The following GRID2 variants were observed in gnomAD, a reference collection of about 807,000 sequenced individuals.
GRID2 encodes glutamate receptor ionotropic, delta-2.
A neutral mutation model predicts 114.8 loss-of-function variants in GRID2; 33 were observed. The ratio of observed to expected loss-of-function variants is 0.29; its 90% CI spans 0.22 to 0.38. GRID2 has a LOEUF of 0.38. GRID2 is among the 10% of genes least tolerant of loss of function. GRID2 has a pLI of 1.00. For missense variants in GRID2, 1,184 were observed against 1,257.7 expected (o/e 0.94, Z 0.89); for synonymous variants, 505 against 449.9 (o/e 1.12, Z -1.55).
At chr4:93,324,957 A>G (rs1757665997) in intron 8 of GRID2, among the ~76,000 whole-genome samples, 2 of 151,966 alleles carry the variant, frequency 1.3e-5, no homozygotes, top group Non-Finnish European at 2.9e-5. Flanking sequence ...CTAGCGGTCT[A>G]TCAATTTTGT....
At chr4:92,761,734 C>G (rs1738021321) in intron 2 of GRID2, among the ~76,000 whole-genome samples, 1 of 152,066 alleles carries the variant, frequency 6.6e-6, no homozygotes, top group Non-Finnish European at 1.5e-5. Context: ...ATCCACCTGT[C>G]CCTCCCTTTC....
intron 2 of GRID2, among the ~76,000 whole-genome samples, chr4:93,056,310 G>A (rs1727239073): frequency 6.6e-6 from 1 of 151,908 alleles, no homozygotes; most frequent in African/African-American, 2.4e-5. Context: ...TTATTTATGA[G>A]CTTAAGAGGT....
At chr4:92,523,207 A>G (rs998010197) in intron 1 of GRID2, among the ~76,000 whole-genome samples, 6 of 152,052 alleles carry the variant, frequency 3.9e-5, no homozygotes, top group African/African-American at 1.4e-4. Context: ...AGTTTTCTAA[A>G]TTGATTGACT....
At chr4:93,017,875 C>A (rs1578762751) in intron 2 of GRID2, among the ~76,000 whole-genome samples, 1 of 140,778 alleles carries the variant, frequency 7.1e-6, no homozygotes. Context: ...AGACATAAGA[C>A]AGTAAGCTTT....
At chr4:92,936,748 C>T (rs1344371729) in intron 2 of GRID2, among the ~76,000 whole-genome samples, 1 of 146,068 alleles carries the variant, frequency 6.8e-6, no homozygotes, top group South Asian at 2.3e-4. Context: ...TGCCTCTGGC[C>T]ATGATAATAC....
At chr4:93,241,961 G>T (rs1343923471) in intron 8 of GRID2, among the ~76,000 whole-genome samples, 1 of 151,742 alleles carries the variant, frequency 6.6e-6, no homozygotes, top group Non-Finnish European at 1.5e-5. Context: ...AAAGAAAGGT[G>T]ATAATTGATA....
In GRID2 at chr4:93,149,800, A is replaced by G. The variant is rs545868400; in HGVS notation, c.735+38847A>G. On this transcript the variant is annotated intron_variant, in intron 4 of 15. Coordinates refer to ENST00000282020, the MANE Select transcript of GRID2 (RefSeq NM_001510.4). ...AGGTCCATGCAACACGACCTGGCTA[A>G]TTTTTTAATTTTCTTGTAGAGATGA... 9.2e-5 allele frequency among the ~76,000 whole-genome samples: 14 copies of G among 151,752 alleles called. No homozygotes were observed. In the South Asian group the frequency reaches 2.9e-3, roughly 32 times the overall value.
chr4:93,126,126 T>C (rs956286123), intron 4 of GRID2, among the ~76,000 whole-genome samples: 12 of 152,340 alleles, frequency 7.9e-5, no homozygotes, highest in African/African-American at 2.6e-4. Context: ...CAATTTTAAA[T>C]GTTTAATACC....
At chr4:93,056,670 T>G (rs539730536) in intron 2 of GRID2, among the ~76,000 whole-genome samples, 1 of 152,084 alleles carries the variant, frequency 6.6e-6, no homozygotes, top group East Asian at 1.9e-4. Flanking sequence ...AGTATTAATT[T>G]CCAGTTATAT....
chr4:93,480,739 T>G (rs1202778116), intron 11 of GRID2, among the ~76,000 whole-genome samples: 1 of 152,040 alleles, frequency 6.6e-6, no homozygotes, highest in African/African-American at 2.4e-5. Context: ...CCCAGTGTTA[T>G]CTGAGACTTC....
chr4:93,619,983 T>A (rs1389399984), intron 13 of GRID2, among the ~76,000 whole-genome samples: 2 of 152,216 alleles, frequency 1.3e-5, no homozygotes, highest in Admixed American at 6.5e-5. Flanking sequence ...TTTAATGTAG[T>A]GCAAAGAGCA....
intron 2 of GRID2, among the ~76,000 whole-genome samples, chr4:92,821,252 C>T (rs1183605783): frequency 6.6e-6 from 1 of 152,066 alleles, no homozygotes; most frequent in Non-Finnish European, 1.5e-5. Flanking sequence ...ATATGTGGAG[C>T]AAAATGCGAC....
intron 8 of GRID2, among the ~76,000 whole-genome samples, chr4:93,268,145 CTCCTGTGT>C (rs1751058392): frequency 6.6e-6 from 1 of 152,188 alleles, no homozygotes; most frequent in South Asian, 2.1e-4. Flanking sequence ...TAATGTTGAA[CTCCTGTGT>C]TCCTTCTTGG....
chr4:92,882,236 G>A (rs1236047514), intron 2 of GRID2, among the ~76,000 whole-genome samples: 1 of 152,154 alleles, frequency 6.6e-6, no homozygotes, highest in Non-Finnish European at 1.5e-5. Context: ...CAGAAGCTGT[G>A]AACGCTGCAA....
chr4:92,676,328 C>T (rs1733369273), intron 2 of GRID2, among the ~76,000 whole-genome samples: 1 of 151,878 alleles, frequency 6.6e-6, no homozygotes, highest in Non-Finnish European at 1.5e-5. Flanking sequence ...TACAGGTGCC[C>T]ACCACAACGC....
In GRID2 at chr4:92,356,390, G is replaced by A. The variant is rs577476276; in HGVS notation, c.88+51646G>A. ...ATATTTATATATTTTTTAAAAATTA[G>A]AGGTTTAGGAAAACGTTCTATTTTA... On this transcript the variant is annotated intron_variant, in intron 1 of 15. Coordinates refer to ENST00000282020, the MANE Select transcript of GRID2 (RefSeq NM_001510.4). 3.3e-5 allele frequency among the ~76,000 whole-genome samples: 5 copies of A among 151,126 alleles called. No homozygotes were observed. In the East Asian group the frequency reaches 7.8e-4, roughly 24 times the overall value.
intron 13 of GRID2, among the ~76,000 whole-genome samples, chr4:93,528,840 C>A (rs1731178117): frequency 6.6e-6 from 1 of 152,110 alleles, no homozygotes; most frequent in Admixed American, 6.6e-5. Flanking sequence ...TTCCTAAACT[C>A]TGGGAATGTT....
chr4:93,374,660 CT>C (rs1187833096), intron 8 of GRID2, among the ~76,000 whole-genome samples: 3 of 152,132 alleles, frequency 2.0e-5, no homozygotes, highest in African/African-American at 4.8e-5. Flanking sequence ...CTACATTCTT[CT>C]TTCTGGAGAT....
At chr4:93,703,927 C>A (rs1474860388) in intron 14 of GRID2, among the ~76,000 whole-genome samples, 1 of 151,950 alleles carries the variant, frequency 6.6e-6, no homozygotes, top group Non-Finnish European at 1.5e-5. Context: ...CCAAGTCTTT[C>A]CTATTGTGAA....
Sources: gnomAD v4.1 joint callset for allele counts (sites outside exome capture counted in the v4.1 genomes callset) on GRCh38, gnomAD v4.1.1 for gene constraint, MANE v1.5 for transcripts, NCBI Gene and HGNC (gene_info 2026-07-23, HGNC 2026-07-21) for gene names.